The following ABI2 variants were observed in gnomAD, a reference collection of about 807,000 sequenced individuals.
The protein encoded by ABI2 is abelson interactor 2.
Under a neutral mutation model 59.2 loss-of-function variants are expected in ABI2, and 25 were observed. The ratio of observed to expected loss-of-function variants is 0.42; its 90% CI spans 0.31 to 0.59. ABI2 has a LOEUF of 0.59. Among genes scored for constraint, ABI2 ranks in the 20% least tolerant of loss-of-function variants. ABI2 has a pLI of 0.14. For missense variants in ABI2, 545 were observed against 681.8 expected, an observed-to-expected ratio of 0.80 and a Z score of 2.23; for synonymous variants, 213 against 235.5, an observed-to-expected ratio of 0.90 and a Z score of 0.87.
intron 6 of ABI2, 100 bp from the exon 7 acceptor site, chr2:203,395,556 C>T: frequency 1.5e-6 from 2 of 1,291,232 alleles, no homozygotes; most frequent in Non-Finnish European, 2.1e-6. Flanking sequence ...TTTTGAATTA[C>T]CTTTATTGTA....
Position 203,382,199 on chromosome 2 carries a change from G to A in ABI2, c.473G>A (p.Arg158Lys), listed in dbSNP as rs2096178565. The change falls in exon 4 of 12, where the codon AGA (arginine) becomes AAA (lysine). Residue 158 changes from arginine to lysine, a missense_variant. Physicochemically the swap from Arg to Lys is conservative, Grantham distance 26. Transcript: ENST00000261018. ...CATTTATGCATTAAGTGGTTGCTTA[G>A]ATTTAAGGTAAGAGATTCCAGGGCT... ...DIGHGVKWLL[R>K]FKVSTQNMKM... The A allele has an allele frequency of 2.0e-6, 3 of 1,527,490 alleles. No individual in the cohort carries two copies. The African/African-American group carries it at 4.1e-5, about 21-fold the overall frequency. 94.6% of individuals were successfully genotyped at this position (1,527,490 alleles called of 1,614,324 possible).
chr2:203,390,478 A>G (rs1381204320), intron 4 of ABI2, among the ~76,000 whole-genome samples: 1 of 152,076 alleles, frequency 6.6e-6, no homozygotes, highest in Non-Finnish European at 1.5e-5. Flanking sequence ...CTAAAATACA[A>G]AAAATTAGCT....
At chr2:203,345,138 C>T (rs959939973) in intron 1 of ABI2, among the ~76,000 whole-genome samples, 1 of 152,166 alleles carries the variant, frequency 6.6e-6, no homozygotes, top group South Asian at 2.1e-4. Flanking sequence ...TTTGGGTCCG[C>T]ACTACCTTTA....
chr2:203,344,637 G>A lies in ABI2; in HGVS notation c.117+16006G>A, dbSNP rs141947637. ...TAGTACAATGGCATGATCTTTAGAG[G>A]TGAAGCCAGCTGGGCTTCTGGGTCC... On this transcript the variant is annotated intron_variant, in intron 1 of 11. Coordinates refer to ENST00000261018, the MANE Select transcript of ABI2 (RefSeq NM_001375670.1). Among the ~76,000 whole-genome samples, 1,471 of 151,700 alleles carry A rather than the reference G, an allele frequency of 9.7e-3. 5 individuals carry two copies. Among genetic ancestry groups the A allele is most frequent in the Non-Finnish European group, 0.014 (926 of 67,900 alleles).
intron 5 of ABI2, among the ~76,000 whole-genome samples, chr2:203,393,673 A>C (rs1331572041): frequency 6.6e-6 from 1 of 152,236 alleles, no homozygotes; most frequent in East Asian, 1.9e-4. Flanking sequence ...GGAAAGCAAT[A>C]GTTAAAGGAA....
chr2:203,329,341 AT>A (rs11376266), intron 1 of ABI2: 169 of 100,680 alleles, frequency 1.7e-3, no homozygotes, highest in Middle Eastern at 7.6e-3. Context: ...TCCTGGTTTA[AT>A]TTTTTTTTTT....
At chr2:203,389,081 GTTT>G (rs2096644294) in intron 4 of ABI2, among the ~76,000 whole-genome samples, 1 of 152,128 alleles carries the variant, frequency 6.6e-6, no homozygotes, top group African/African-American at 2.4e-5. Context: ...AAGATATGCA[GTTT>G]TAAAAGCTAT....
intron 1 of ABI2, among the ~76,000 whole-genome samples, chr2:203,363,137 T>G (rs1309120596): frequency 4.5e-5 from 4 of 89,212 alleles, no homozygotes; most frequent in Non-Finnish European, 8.7e-5. Context: ...GGCAGTATTT[T>G]AAATACTTTT....
chr2:203,347,396 T>A (rs2084346551), intron 1 of ABI2, among the ~76,000 whole-genome samples: 1 of 152,228 alleles, frequency 6.6e-6, no homozygotes, highest in East Asian at 1.9e-4. Context: ...AATAAACTTG[T>A]GATTCTTGTT....
At chr2:203,404,794 A>G (rs753331713) in intron 9 of ABI2, among the ~76,000 whole-genome samples, 3 of 152,176 alleles carry the variant, frequency 2.0e-5, no homozygotes, top group Non-Finnish European at 4.4e-5. Context: ...CCTGACCTCA[A>G]GTCATCCACT....
intron 9 of ABI2, among the ~76,000 whole-genome samples, chr2:203,405,472 C>T (rs1310438893): frequency 6.6e-6 from 1 of 151,974 alleles, no homozygotes; most frequent in Non-Finnish European, 1.5e-5. Context: ...ATTGGTTGAA[C>T]CTAGGAGATG....
chr2:203,329,761 C>T (rs1230307980), intron 1 of ABI2, among the ~76,000 whole-genome samples: 1 of 151,408 alleles, frequency 6.6e-6, no homozygotes, highest in African/African-American at 2.4e-5. Context: ...TTTTGAGACA[C>T]AACCTCGTTC....
intron 11 of ABI2, 77 bp from the exon 12 acceptor site, chr2:203,427,100 G>A: frequency 7.8e-7 from 1 of 1,280,922 alleles, no homozygotes. Flanking sequence ...GGAACAGATA[G>A]CTATTCACTG....
chr2:203,331,241 T>C (rs1360785040), intron 1 of ABI2, among the ~76,000 whole-genome samples: 1 of 151,912 alleles, frequency 6.6e-6, no homozygotes, highest in Non-Finnish European at 1.5e-5. Flanking sequence ...GGATTTGTGC[T>C]GATCCAGCTG....
At chr2:203,374,603 CAATT>C (rs548047502) in intron 2 of ABI2, among the ~76,000 whole-genome samples, 181 of 151,696 alleles carry the variant, frequency 1.2e-3, no homozygotes, top group Admixed American at 3.2e-3. Context: ...TTATACTTCC[CAATT>C]AATTTCCTAT....
chr2:203,421,964 C>CAAA (rs35435663), intron 11 of ABI2, among the ~76,000 whole-genome samples: 7 of 102,606 alleles, frequency 6.8e-5, no homozygotes, highest in African/African-American at 2.8e-4. Context: ...GACTCTGTCT[C>CAAA]AAAAAAAAAA....
rs1009896608 is a variant in ABI2 at position 203,414,715 on chromosome 2, T to C, written c.1280-2193T>C. ...TACTAATGAAGCATGACTTGAAGTTTTTAAAATTTATCCCATCCCATAATA... is the reference window on the plus strand; with the variant it reads ...TACTAATGAAGCATGACTTGAAGTTCTTAAAATTTATCCCATCCCATAATA... On this transcript the variant is annotated intron_variant, in intron 10 of 11. Coordinates refer to ENST00000261018, the MANE Select transcript of ABI2 (RefSeq NM_001375670.1). 8.5e-5 allele frequency among the ~76,000 whole-genome samples: 13 copies of C among 152,364 alleles called. No homozygotes were observed. In the South Asian group the frequency reaches 1.2e-3, roughly 15 times the overall value.
At chr2:203,415,102 G>A (rs1408465142) in intron 10 of ABI2, among the ~76,000 whole-genome samples, 1 of 152,160 alleles carries the variant, frequency 6.6e-6, no homozygotes, top group Non-Finnish European at 1.5e-5. Flanking sequence ...ATGGAAATAG[G>A]ATAAATTTCT....
At chr2:203,372,315 C>T (rs2095291643) in intron 2 of ABI2, among the ~76,000 whole-genome samples, 1 of 152,228 alleles carries the variant, frequency 6.6e-6, no homozygotes, top group Non-Finnish European at 1.5e-5. Context: ...TGAAAAGTCT[C>T]CCATGTCTAC....
Sources: gnomAD v4.1 joint callset for allele counts (sites outside exome capture counted in the v4.1 genomes callset) on GRCh38, gnomAD v4.1.1 for gene constraint, MANE v1.5 for transcripts, NCBI Gene and HGNC (gene_info 2026-07-23, HGNC 2026-07-21) for gene names.